Variants in CNTNAP2 observed in about 807,000 individuals in gnomAD.
CNTNAP2 encodes contactin associated protein 2.
A neutral mutation model predicts 155.2 loss-of-function variants in CNTNAP2; 98 were observed. That is an observed-to-expected ratio of 0.63 (90% CI 0.54 to 0.75). The LOEUF is 0.75. Among genes scored for constraint, CNTNAP2 ranks in the 30% least tolerant of loss-of-function variants. CNTNAP2 has a pLI of 0.00. For synonymous variants in CNTNAP2, 651 were observed against 631.2 expected (o/e 1.03, Z -0.47); for missense variants, 1,727 against 1,688.1 (o/e 1.02, Z -0.40).
intron 13 of CNTNAP2, among the ~76,000 whole-genome samples, chr7:147,741,794 A>G (rs1796960720): frequency 6.6e-6 from 1 of 152,214 alleles, no homozygotes; most frequent in African/African-American, 2.4e-5. Flanking sequence ...TGTGCTCCTC[A>G]TAACATGTTG....
intron 21 of CNTNAP2, among the ~76,000 whole-genome samples, chr7:148,348,395 TA>T (rs1276898473): frequency 6.6e-6 from 1 of 152,234 alleles, no homozygotes; most frequent in East Asian, 1.9e-4. Flanking sequence ...AGGACATATT[TA>T]AAAATATATA....
chr7:147,228,517 T>G (rs1803600837), intron 8 of CNTNAP2, among the ~76,000 whole-genome samples: 1 of 152,174 alleles, frequency 6.6e-6, no homozygotes, highest in South Asian at 2.1e-4. Context: ...GATGACTCAC[T>G]GGTTAGATGT....
chr7:146,926,501 A>T (rs1267419595), intron 3 of CNTNAP2, among the ~76,000 whole-genome samples: 1 of 152,102 alleles, frequency 6.6e-6, no homozygotes, highest in African/African-American at 2.4e-5. Flanking sequence ...ACTTATCGTG[A>T]TGCCTGACAA....
chr7:148,415,322 G>C (rs1799955868), intron 23 of CNTNAP2, 95 bp from the exon 24 acceptor site: 1 of 1,241,124 alleles, frequency 8.1e-7, no homozygotes, highest in East Asian at 2.4e-5. Context: ...ATATGGGAGA[G>C]GGCTGTGTCT....
chr7:148,226,185 G>C (rs1391424992), intron 19 of CNTNAP2, among the ~76,000 whole-genome samples: 1 of 152,094 alleles, frequency 6.6e-6, no homozygotes, highest in Non-Finnish European at 1.5e-5. Context: ...AGGTGTTTCT[G>C]TAGCTTATTA....
intron 1 of CNTNAP2, among the ~76,000 whole-genome samples, chr7:146,418,902 C>T (rs1251410802): frequency 3.9e-5 from 6 of 152,006 alleles, no homozygotes; most frequent in African/African-American, 1.4e-4. Context: ...CAAGCAAGGC[C>T]TATAACTACC....
At chr7:148,345,141 C>G (rs1798298774) in intron 21 of CNTNAP2, among the ~76,000 whole-genome samples, 1 of 152,062 alleles carries the variant, frequency 6.6e-6, no homozygotes, top group Non-Finnish European at 1.5e-5. Context: ...GGAGAGGGGA[C>G]TTAGGGAGGT....
intron 1 of CNTNAP2, among the ~76,000 whole-genome samples, chr7:146,567,357 G>A (rs1264809648): frequency 6.6e-6 from 1 of 152,052 alleles, no homozygotes; most frequent in East Asian, 1.9e-4. Flanking sequence ...TAGACTATAT[G>A]AATACCTTCA....
intron 10 of CNTNAP2, among the ~76,000 whole-genome samples, chr7:147,400,694 G>A (rs1383238236): frequency 6.6e-6 from 1 of 152,160 alleles, no homozygotes; most frequent in Non-Finnish European, 1.5e-5. Context: ...GAAGTTAGCT[G>A]TGGTGTTCTT....
At chr7:146,641,091 C>T (rs1320213762) in intron 1 of CNTNAP2, among the ~76,000 whole-genome samples, 1 of 152,144 alleles carries the variant, frequency 6.6e-6, no homozygotes, top group Non-Finnish European at 1.5e-5. Flanking sequence ...CTTTGGGAGG[C>T]TGAGGTGGGC....
chr7:148,314,420 G>T (rs1368515051), intron 21 of CNTNAP2, among the ~76,000 whole-genome samples: 1 of 152,182 alleles, frequency 6.6e-6, no homozygotes, highest in East Asian at 1.9e-4. Context: ...GGGTCAAGCG[G>T]CATTGCAGAA....
At chr7:147,921,253 G>A (rs1800275288) in intron 14 of CNTNAP2, among the ~76,000 whole-genome samples, 1 of 152,144 alleles carries the variant, frequency 6.6e-6, no homozygotes, top group South Asian at 2.1e-4. Flanking sequence ...TATGGCAGAC[G>A]CCATTTGCCT....
At chr7:147,510,831 C>A (rs533775655) in intron 11 of CNTNAP2, among the ~76,000 whole-genome samples, 1 of 72,658 alleles carries the variant, frequency 1.4e-5, no homozygotes, top group Admixed American at 1.5e-4. Flanking sequence ...AGTAAGTGCT[C>A]CTGTGATGGG....
intron 1 of CNTNAP2, among the ~76,000 whole-genome samples, chr7:146,137,969 G>A (rs1327346216): frequency 1.3e-5 from 2 of 151,752 alleles, no homozygotes; most frequent in African/African-American, 4.8e-5. Flanking sequence ...TTTATAATGA[G>A]GTTTGGGTTT....
intron 10 of CNTNAP2, among the ~76,000 whole-genome samples, chr7:147,484,300 A>G (rs560619396): frequency 3.3e-5 from 5 of 152,124 alleles, no homozygotes; most frequent in East Asian, 1.9e-4. Flanking sequence ...TTTTTCCCCA[A>G]TGTTCTTCCT....
chr7:147,652,550 A>G (rs1314965357), intron 13 of CNTNAP2, among the ~76,000 whole-genome samples: 1 of 152,190 alleles, frequency 6.6e-6, no homozygotes, highest in Middle Eastern at 3.2e-3. Flanking sequence ...TGTGAGTTGT[A>G]TATCGGAATT....
chr7:146,195,156 C>G (rs1798757544), intron 1 of CNTNAP2: 1 of 152,322 alleles, frequency 6.6e-6, no homozygotes, highest in East Asian at 1.9e-4. Context: ...AAAGATAAAA[C>G]TTCCTTTGCT....
chr7:148,188,750 G>A (rs778852387), intron 18 of CNTNAP2, among the ~76,000 whole-genome samples: 14 of 152,158 alleles, frequency 9.2e-5, no homozygotes, highest in Non-Finnish European at 1.3e-4. Context: ...TTATTATAAT[G>A]TATGTACCGT....
At chr7:146,842,821 G>A (rs1322333811) in intron 3 of CNTNAP2, among the ~76,000 whole-genome samples, 1 of 151,482 alleles carries the variant, frequency 6.6e-6, no homozygotes, top group African/African-American at 2.4e-5. Context: ...AAGTAGCTGG[G>A]ACCACAGGCG....
Sources: allele counts gnomAD v4.1 joint callset (sites outside exome capture counted in the v4.1 genomes callset), GRCh38; gene constraint gnomAD v4.1.1; transcripts MANE v1.5; gene names NCBI Gene and HGNC (gene_info 2026-07-23, HGNC 2026-07-21).